ERBB4: variants seen among roughly 807,000 people sequenced by gnomAD.
ERBB4 encodes the protein erb-b2 receptor tyrosine kinase 4.
In ERBB4, 42 loss-of-function variants were observed where a neutral mutation model predicts 158.0. The observed-to-expected ratio is 0.27, with a 90% CI of 0.21 to 0.34. The LOEUF (loss-of-function observed/expected upper bound fraction) is 0.34. Among genes scored for constraint, ERBB4 ranks in the 10% least tolerant of loss-of-function variants. The pLI is 1.00. For synonymous variants in ERBB4, 583 were observed against 558.7 expected, an observed-to-expected ratio of 1.04 and a Z score of -0.61; for missense variants, 1,333 against 1,624.1, an observed-to-expected ratio of 0.82 and a Z score of 3.08.
intron 20 of ERBB4, among the ~76,000 whole-genome samples, chr2:211,497,707 T>C (rs1036380619): frequency 1.3e-5 from 2 of 152,142 alleles, no homozygotes. Context: ...GGATGAAGAA[T>C]AGTATTTTTA....
chr2:212,347,779 A>G (rs559954560), intron 1 of ERBB4, among the ~76,000 whole-genome samples: 1 of 152,228 alleles, frequency 6.6e-6, no homozygotes, highest in Admixed American at 6.5e-5. Flanking sequence ...TGAATATGAG[A>G]GAAATAACTG....
At chr2:211,753,691 TTTC>T (rs2075202389) in intron 4 of ERBB4, among the ~76,000 whole-genome samples, 1 of 151,144 alleles carries the variant, frequency 6.6e-6, no homozygotes, top group African/African-American at 2.4e-5. Context: ...CCCTAGACCA[TTTC>T]AGTGAAGAAT....
intron 2 of ERBB4, among the ~76,000 whole-genome samples, chr2:211,988,232 G>T (rs551868479): frequency 6.6e-6 from 1 of 152,012 alleles, no homozygotes; most frequent in Non-Finnish European, 1.5e-5. Context: ...TTAAAGGCAC[G>T]GTGGTTTAAG....
intron 4 of ERBB4, among the ~76,000 whole-genome samples, chr2:211,759,185 T>C (rs1208980679): frequency 1.3e-5 from 2 of 152,198 alleles, no homozygotes; most frequent in African/African-American, 4.8e-5. Flanking sequence ...TCTCGTTGTC[T>C]CTAACTTCAA....
At chr2:212,470,742 C>G (rs1278316763) in intron 1 of ERBB4, among the ~76,000 whole-genome samples, 1 of 152,030 alleles carries the variant, frequency 6.6e-6, no homozygotes, top group African/African-American at 2.4e-5. Flanking sequence ...AACTTCAACC[C>G]TTTGGGGGAA....
intron 1 of ERBB4, among the ~76,000 whole-genome samples, chr2:212,390,605 G>T (rs1403171779): frequency 2.0e-5 from 3 of 151,682 alleles, no homozygotes; most frequent in African/African-American, 7.2e-5. Context: ...TATAATGAGG[G>T]ATTACAAAAT....
At chr2:212,048,915 G>A (rs1374475277) in intron 2 of ERBB4, among the ~76,000 whole-genome samples, 3 of 152,178 alleles carry the variant, frequency 2.0e-5, no homozygotes, top group Non-Finnish European at 4.4e-5. Flanking sequence ...CAACCTCAAG[G>A]AGTTGAATTC....
chr2:212,461,151 A>G (rs1688553135), intron 1 of ERBB4, among the ~76,000 whole-genome samples: 1 of 152,204 alleles, frequency 6.6e-6, no homozygotes, highest in Non-Finnish European at 1.5e-5. Context: ...CAGAGTCCCT[A>G]CTGGGGCACC....
chr2:211,440,129 T>G (rs960487055), intron 20 of ERBB4, among the ~76,000 whole-genome samples: 2 of 152,160 alleles, frequency 1.3e-5, no homozygotes, highest in South Asian at 2.1e-4. Context: ...ACATTGTGAG[T>G]AAAAAGCTCA....
At chr2:211,736,171 GAA>G (rs35835703) in intron 5 of ERBB4, among the ~76,000 whole-genome samples, 2 of 137,732 alleles carry the variant, frequency 1.5e-5, no homozygotes, top group South Asian at 2.2e-4. Flanking sequence ...TCAAAAAAAG[GAA>G]AAAAAAAAAA....
chr2:211,860,467 G>T (rs1272512693), intron 3 of ERBB4, among the ~76,000 whole-genome samples: 1 of 152,106 alleles, frequency 6.6e-6, no homozygotes, highest in African/African-American at 2.4e-5. Context: ...TGATAACAGA[G>T]TTGAAGCAGG....
rs562771673 is a variant in ERBB4, at chr2:211,380,509, C to T, written c.*3106G>A. The T allele has an allele frequency of 1.0e-3, 235 of 232,202 alleles. 1 individual carries two copies. The highest frequency in any genetic ancestry group is 4.7e-3 in the African/African-American group (214 of 45,378). The allele number at this position is 232,202 out of a possible 1,614,324, so 14.4% of individuals were successfully genotyped here. A position where few individuals can be genotyped will look rare whatever the true frequency, so the allele number is the denominator to read the frequency against. ...TTGGCCTCTGGAATCTGATATCCCC[C>T]CAAGCACTTTGAAGACTTTAACTGA... is the stretch of plus-strand genomic sequence containing the variant. On this transcript the variant is annotated 3_prime_UTR_variant, in exon 28 of 28. Transcript: ENST00000342788.
intron 1 of ERBB4, among the ~76,000 whole-genome samples, chr2:212,428,625 C>G (rs999582881): frequency 1.3e-5 from 2 of 152,072 alleles, no homozygotes; most frequent in Non-Finnish European, 2.9e-5. Flanking sequence ...GCTAATAATA[C>G]CACATTGTAT....
intron 1 of ERBB4, among the ~76,000 whole-genome samples, chr2:212,223,565 T>C (rs2083376252): frequency 6.6e-6 from 1 of 151,282 alleles, no homozygotes; most frequent in Non-Finnish European, 1.5e-5. Context: ...TTTTCAATGA[T>C]CAAATCCTCA....
At chr2:212,174,474 C>T (rs2081603904) in intron 1 of ERBB4, among the ~76,000 whole-genome samples, 1 of 152,080 alleles carries the variant, frequency 6.6e-6, no homozygotes, top group South Asian at 2.1e-4. Context: ...GACAAATTAC[C>T]CAATATGGAC....
rs112086807 is a variant in ERBB4 at position 212,249,103 on chromosome 2, A to G, written c.83-124200T>C. 4.8e-3 allele frequency among the ~76,000 whole-genome samples: 738 copies of G among 152,180 alleles called. 7 individuals carry two copies. The highest frequency in any genetic ancestry group is 0.017 in the Middle Eastern group (5 of 294). On this transcript the variant is annotated intron_variant, in intron 1 of 27. Transcript: ENST00000342788. ...TAGACCAGCAACAGACCTTCATTCA[A>G]CTTGCTATTAGCACTCACTGACTTG...
Position 211,619,290 on chromosome 2 carries a change from AT to A in ERBB4, c.2203-16del. On this transcript the variant is annotated splice_polypyrimidine_tract_variant and intron_variant, in intron 18 of 27. Transcript: ENST00000342788. ...ACCCAAATACCCTTTGGGGAAAAAA[AT>A]TTACATTAAATATGACATCTCAACC... 1 of 1,434,014 alleles carries A rather than the reference AT, an allele frequency of 7.0e-7. No individual in the cohort carries two copies. The highest frequency in any genetic ancestry group is 9.8e-7 in the Non-Finnish European group (1 of 1,016,222). The allele number at this position is 1,434,014 out of a possible 1,614,324, so 88.8% of individuals were successfully genotyped here.
At chr2:211,775,935 A>G (rs73069350) in intron 4 of ERBB4, among the ~76,000 whole-genome samples, 21,755 of 152,120 alleles carry the variant, frequency 0.14, 1,763 homozygotes, top group South Asian at 0.33. Context: ...GAAGATGGTG[A>G]TATACAGACC....
chr2:211,421,911 G>A, intron 24 of ERBB4, 96 bp downstream of exon 24: 1 of 783,976 alleles, frequency 1.3e-6, no homozygotes, highest in South Asian at 1.4e-5. Flanking sequence ...CAACATGTTT[G>A]TGGTCCTTTC....
Sources: gnomAD v4.1 joint callset for allele counts (sites outside exome capture counted in the v4.1 genomes callset) on GRCh38, gnomAD v4.1.1 for gene constraint, MANE v1.5 for transcripts, NCBI Gene and HGNC (gene_info 2026-07-23, HGNC 2026-07-21) for gene names.